ABTB3: variants seen among roughly 807,000 people sequenced by gnomAD.
The protein encoded by ABTB3 is ankyrin repeat- and BTB/POZ domain-containing protein 3.
the ABTB3 span, among the ~76,000 whole-genome samples, chr12:107,592,704 T>G: frequency 1.3e-5 from 2 of 152,218 alleles, no homozygotes; most frequent in Non-Finnish European, 2.9e-5. Context: ...TTTAGGAATT[T>G]ATATATGTAG....
At chr12:107,564,090 C>CTGTG in the ABTB3 span, among the ~76,000 whole-genome samples, 6,036 of 126,148 alleles carry the variant, frequency 0.048, 164 homozygotes, top group Non-Finnish European at 0.056. Flanking sequence ...ATCTATCTCT[C>CTGTG]TGTGTGTGTG....
At chr12:107,496,670 G>A in the ABTB3 span, among the ~76,000 whole-genome samples, 511 of 152,268 alleles carry the variant, frequency 3.4e-3, 2 homozygotes, top group African/African-American at 0.011. Flanking sequence ...CATCTACTGC[G>A]TGTCAGGCAC....
chr12:107,380,049 G>A, the ABTB3 span, among the ~76,000 whole-genome samples: 1 of 152,158 alleles, frequency 6.6e-6, no homozygotes, highest in Admixed American at 6.6e-5. Flanking sequence ...GGCATTGCGC[G>A]ATGCTGTGAT....
At chr12:107,378,674 C>T in the ABTB3 span, among the ~76,000 whole-genome samples, 3 of 152,308 alleles carry the variant, frequency 2.0e-5, no homozygotes, top group East Asian at 3.9e-4. Context: ...TGCCTCCACA[C>T]ACTGGCTCGC....
the ABTB3 span, among the ~76,000 whole-genome samples, chr12:107,365,025 G>A: frequency 2.0e-5 from 3 of 152,268 alleles, 1 homozygote; most frequent in Non-Finnish European, 4.4e-5. Flanking sequence ...TTGGGAGGTA[G>A]CATTCGCAGT....
At chr12:107,428,031 A>C in the ABTB3 span, among the ~76,000 whole-genome samples, 1 of 152,126 alleles carries the variant, frequency 6.6e-6, no homozygotes, top group African/African-American at 2.4e-5. Flanking sequence ...CTCCTCATGC[A>C]TCCCAGGTCC....
the ABTB3 span, among the ~76,000 whole-genome samples, chr12:107,648,379 TCCACACACACACACACA>T: frequency 1.6e-5 from 1 of 61,158 alleles, no homozygotes; most frequent in Admixed American, 2.3e-4. Flanking sequence ...AGACCCCATC[TCCACACACACACACACA>T]CACACACACA....
At chr12:107,511,274 T>C in the ABTB3 span, among the ~76,000 whole-genome samples, 19 of 152,218 alleles carry the variant, frequency 1.2e-4, no homozygotes, top group Admixed American at 1.2e-3. Flanking sequence ...CAACTCTCAG[T>C]TTCATAACTG....
chr12:107,574,285 C>A, the ABTB3 span, among the ~76,000 whole-genome samples: 1 of 152,192 alleles, frequency 6.6e-6, no homozygotes, highest in Non-Finnish European at 1.5e-5. Context: ...GACCTGTGAC[C>A]CCTTTTCCTC....
the ABTB3 span, among the ~76,000 whole-genome samples, chr12:107,421,472 C>A: frequency 6.6e-6 from 1 of 152,116 alleles, no homozygotes; most frequent in Non-Finnish European, 1.5e-5. Context: ...AGAGAATCTG[C>A]TTAGACTTTC....
the ABTB3 span, among the ~76,000 whole-genome samples, chr12:107,469,880 TTC>T: frequency 5.5e-3 from 524 of 95,964 alleles, 8 homozygotes; most frequent in African/African-American, 0.029. Flanking sequence ...CTTTCTTTCT[TTC>T]TTTCTTTCTT....
At chr12:107,356,863 C>T in the ABTB3 span, among the ~76,000 whole-genome samples, 5 of 152,336 alleles carry the variant, frequency 3.3e-5, no homozygotes, top group South Asian at 1.0e-3. Context: ...CTACTACATG[C>T]CAAGCACAGG....
At chr12:107,447,810 A>G in the ABTB3 span, among the ~76,000 whole-genome samples, 1 of 152,168 alleles carries the variant, frequency 6.6e-6, no homozygotes, top group African/African-American at 2.4e-5. Context: ...CCTCTTCATG[A>G]AGACCTCCTG....
At chr12:107,580,718 C>A in the ABTB3 span, 1 of 1,127,988 alleles carries the variant, frequency 8.9e-7, no homozygotes, top group Non-Finnish European at 1.2e-6. Flanking sequence ...ACACCTTAGG[C>A]TTGGGTCCAC....
At chr12:107,318,919 T>G in the ABTB3 span, 1 of 1,569,086 alleles carries the variant, frequency 6.4e-7, no homozygotes. Context: ...CCCAGGCGGC[T>G]GCAGCATGAA....
At chr12:107,456,099 G>A in the ABTB3 span, among the ~76,000 whole-genome samples, 1 of 152,286 alleles carries the variant, frequency 6.6e-6, no homozygotes, top group African/African-American at 2.4e-5. Context: ...CTAAATAAAT[G>A]TACATTTAAC....
At chr12:107,359,535 A>G in the ABTB3 span, among the ~76,000 whole-genome samples, 5 of 152,124 alleles carry the variant, frequency 3.3e-5, no homozygotes, top group African/African-American at 1.2e-4. Context: ...CTCTGACATG[A>G]TGTCATATTA....
At chr12:107,528,989 T>C in the ABTB3 span, among the ~76,000 whole-genome samples, 2 of 151,734 alleles carry the variant, frequency 1.3e-5, no homozygotes, top group South Asian at 4.2e-4. Context: ...TTGGTGATGA[T>C]GATGGTGATG....
the ABTB3 span, among the ~76,000 whole-genome samples, chr12:107,564,080 A>G: frequency 2.2e-5 from 3 of 133,534 alleles, no homozygotes; most frequent in Non-Finnish European, 4.8e-5. Flanking sequence ...CTCTCTCTCT[A>G]TCTATCTCTC....
Sources: gnomAD v4.1 joint callset for allele counts (sites outside exome capture counted in the v4.1 genomes callset) on GRCh38, gnomAD v4.1.1 for gene constraint, MANE v1.5 for transcripts, NCBI Gene and HGNC (gene_info 2026-07-23, HGNC 2026-07-21) for gene names.